LARGE1: variants seen among roughly 807,000 people sequenced by gnomAD.
The protein encoded by LARGE1 is LARGE xylosyl- and glucuronyltransferase 1.
Under a neutral mutation model 87.6 loss-of-function variants are expected in LARGE1, and 43 were observed. The ratio of observed to expected loss-of-function variants is 0.49; its 90% CI spans 0.38 to 0.63. The LOEUF (loss-of-function observed/expected upper bound fraction) is 0.63, where lower values mean the gene tolerates loss of function less well. Among genes scored for constraint, LARGE1 ranks in the 30% least tolerant of loss-of-function variants. LARGE1 has a pLI of 0.00. For synonymous variants in LARGE1, 434 were observed against 394.6 expected, an observed-to-expected ratio of 1.10 and a Z score of -1.18; for missense variants, 802 against 1,000.2, an observed-to-expected ratio of 0.80 and a Z score of 2.67.
At chr22:33,074,093 G>A in the LARGE1 span, among the ~76,000 whole-genome samples, 2 of 152,112 alleles carry the variant, frequency 1.3e-5, no homozygotes, top group Admixed American at 6.6e-5. Context: ...GGAAAGCAGC[G>A]TGACTGGGTG....
the LARGE1 span, among the ~76,000 whole-genome samples, chr22:33,101,940 T>A: frequency 1.3e-5 from 2 of 152,322 alleles, no homozygotes. Context: ...GCTTTTAAAA[T>A]CTTTTTGTTT....
At chr22:33,721,727 A>G (rs1034842062) in intron 2 of LARGE1, among the ~76,000 whole-genome samples, 1 of 152,086 alleles carries the variant, frequency 6.6e-6, no homozygotes, top group Non-Finnish European at 1.5e-5. Flanking sequence ...ATCGTAGAAA[A>G]ACTCTAAGTG....
intron 7 of LARGE1, among the ~76,000 whole-genome samples, chr22:33,404,186 CT>C (rs1356895217): frequency 1.3e-5 from 2 of 152,258 alleles, no homozygotes; most frequent in African/African-American, 4.8e-5. Context: ...TCAGCGAAGA[CT>C]TTTCCAAGAA....
rs560390482 is a variant in LARGE1, at chr22:33,639,988, T to C, written c.408+10379A>G. Among the ~76,000 whole-genome samples, 49 of 152,344 alleles carry C rather than the reference T, an allele frequency of 3.2e-4. No individual in the cohort carries two copies. The South Asian group carries it at 9.7e-3, about 30-fold the overall frequency. ...TAGCTCAGCTGACAGCCTTGGCATA[T>C]TGATAGAGGAGTTTTCAGAAATGCT... On this transcript the variant is annotated intron_variant, in intron 3 of 14. Transcript: ENST00000397394.
intron 1 of LARGE1, among the ~76,000 whole-genome samples, chr22:33,767,657 G>A (rs1371333096): frequency 6.6e-6 from 1 of 151,928 alleles, no homozygotes; most frequent in Non-Finnish European, 1.5e-5. Context: ...CTTTTAATTA[G>A]CATCATGGAT....
intron 12 of LARGE1, among the ~76,000 whole-genome samples, chr22:33,296,902 G>A (rs1933354235): frequency 6.6e-6 from 1 of 152,160 alleles, no homozygotes. Flanking sequence ...CTGTGCCCTT[G>A]GGCATGTTAC....
chr22:33,801,843 A>T (rs1177957768), intron 1 of LARGE1, among the ~76,000 whole-genome samples: 1 of 152,172 alleles, frequency 6.6e-6, no homozygotes, highest in Admixed American at 6.6e-5. Context: ...CTCATATGTA[A>T]CACAGGGAAG....
chr22:33,323,157 A>T (rs1936916698), intron 10 of LARGE1, among the ~76,000 whole-genome samples: 1 of 152,104 alleles, frequency 6.6e-6, no homozygotes, highest in South Asian at 2.1e-4. Flanking sequence ...CAAAAACAAC[A>T]ACAAAAAACA....
intron 5 of LARGE1, 136 bp downstream of exon 5, chr22:33,604,299 G>T: frequency 1.8e-6 from 2 of 1,138,456 alleles, no homozygotes; most frequent in Non-Finnish European, 2.6e-6. Flanking sequence ...GATTCTGCTG[G>T]CAAACAACTT....
At chr22:33,408,185 A>G (rs566168444) in intron 7 of LARGE1, among the ~76,000 whole-genome samples, 3 of 152,064 alleles carry the variant, frequency 2.0e-5, no homozygotes, top group African/African-American at 7.2e-5. Context: ...GGGTTTTGCC[A>G]TGTTGGCCAG....
chr22:33,743,386 C>A (rs143200027), intron 2 of LARGE1, among the ~76,000 whole-genome samples: 23 of 152,148 alleles, frequency 1.5e-4, no homozygotes, highest in African/African-American at 5.1e-4. Context: ...TTCCCACCGA[C>A]CTCTCTGCCA....
intron 7 of LARGE1, among the ~76,000 whole-genome samples, chr22:33,419,831 C>T (rs1436860581): frequency 1.3e-5 from 2 of 152,144 alleles, no homozygotes; most frequent in Non-Finnish European, 2.9e-5. Context: ...GCTGGGATTA[C>T]AGGCGCCTAC....
chr22:33,419,092 T>G (rs1004075084), intron 7 of LARGE1, among the ~76,000 whole-genome samples: 5 of 152,104 alleles, frequency 3.3e-5, no homozygotes, highest in Middle Eastern at 3.4e-3. Context: ...CTCAGGAAAC[T>G]TACAATCATG....
chr22:33,629,286 A>G (rs1370813939), intron 3 of LARGE1, among the ~76,000 whole-genome samples: 2 of 152,232 alleles, frequency 1.3e-5, no homozygotes, highest in Non-Finnish European at 2.9e-5. Context: ...ACGCTGAATC[A>G]GGCTCTTCAG....
At chr22:33,887,502 C>A (rs991566946) in intron 1 of LARGE1, among the ~76,000 whole-genome samples, 1 of 152,078 alleles carries the variant, frequency 6.6e-6, no homozygotes, top group African/African-American at 2.4e-5. Context: ...TTTCGGAGAC[C>A]GAGGCGGGTG....
chr22:33,437,078 C>T (rs1378150766), intron 6 of LARGE1, among the ~76,000 whole-genome samples: 1 of 152,120 alleles, frequency 6.6e-6, no homozygotes, highest in African/African-American at 2.4e-5. Context: ...AGAATTCTGG[C>T]CACGGGGTCT....
intron 2 of LARGE1, among the ~76,000 whole-genome samples, chr22:33,749,762 C>T (rs556783732): frequency 1.3e-5 from 2 of 152,298 alleles, no homozygotes; most frequent in South Asian, 4.1e-4. Context: ...CAGAAGTTCG[C>T]ATGTCTTCTC....
chr22:33,262,293 C>G (rs975989604), intron 11 of LARGE1, among the ~76,000 whole-genome samples: 5 of 152,168 alleles, frequency 3.3e-5, no homozygotes, highest in African/African-American at 9.7e-5. Flanking sequence ...TGGAAATTGT[C>G]CCTTCTCCTT....
At chr22:33,847,570 G>A (rs1451722914) in intron 1 of LARGE1, among the ~76,000 whole-genome samples, 1 of 152,160 alleles carries the variant, frequency 6.6e-6, no homozygotes, top group Non-Finnish European at 1.5e-5. Context: ...TTTATACATA[G>A]AAGGTGAATA....
Sources: gnomAD v4.1 joint callset for allele counts (sites outside exome capture counted in the v4.1 genomes callset) on GRCh38, gnomAD v4.1.1 for gene constraint, MANE v1.5 for transcripts, NCBI Gene and HGNC (gene_info 2026-07-23, HGNC 2026-07-21) for gene names.